Variants in GSE1 observed in about 807,000 individuals in gnomAD.
The protein encoded by GSE1 is Gse1 coiled-coil protein, also known as genetic suppressor element 1.
Under a neutral mutation model 112.6 loss-of-function variants are expected in GSE1, and 32 were observed. That is an observed-to-expected ratio of 0.28 (90% CI 0.21 to 0.38). The LOEUF is 0.38. GSE1 is among the 10% of genes least tolerant of loss of function. The probability of loss-of-function intolerance (pLI) is 1.00; values close to 1 mark genes in which losing one functional copy is unlikely to be tolerated. For missense variants in GSE1, 2,348 were observed against 1,699.2 expected (o/e 1.38, Z -6.71); for synonymous variants, 1,115 against 735.6 (o/e 1.52, Z -8.35).
chr16:85,379,497 A>G (rs901172010), intron 2 of GSE1, among the ~76,000 whole-genome samples: 1 of 152,284 alleles, frequency 6.6e-6, no homozygotes, highest in South Asian at 2.1e-4. Context: ...GGAACATAGT[A>G]GGTGCTTCCA....
At chr16:85,544,155 A>G (rs1194005959) in intron 2 of GSE1, among the ~76,000 whole-genome samples, 3 of 152,146 alleles carry the variant, frequency 2.0e-5, no homozygotes, top group Non-Finnish European at 4.4e-5. Context: ...TTTGATTGTC[A>G]TGACTGTGCC....
At chr16:85,604,961 G>C (rs746648716) in intron 1 of GSE1, among the ~76,000 whole-genome samples, 34 of 142,052 alleles carry the variant, frequency 2.4e-4, no homozygotes, top group Non-Finnish European at 4.3e-4. Flanking sequence ...GGGACTACAG[G>C]CGCCCTCCAC....
At chr16:85,452,341 G>A (rs1465353677) in intron 2 of GSE1, among the ~76,000 whole-genome samples, 1 of 152,178 alleles carries the variant, frequency 6.6e-6, no homozygotes, top group Non-Finnish European at 1.5e-5. Context: ...AATTAACAGC[G>A]GGTGCTGAGC....
chr16:85,522,078 A>C (rs574237167), intron 2 of GSE1, among the ~76,000 whole-genome samples: 1 of 152,322 alleles, frequency 6.6e-6, no homozygotes, highest in African/African-American at 2.4e-5. Flanking sequence ...GAAGCCAGGC[A>C]GGCATATCTG....
At chr16:85,566,520 C>T (rs980455414) in intron 1 of GSE1, among the ~76,000 whole-genome samples, 2 of 152,212 alleles carry the variant, frequency 1.3e-5, no homozygotes, top group African/African-American at 4.8e-5. Flanking sequence ...CCAGCCCGGC[C>T]TCAGCGGAGA....
rs755821901 is a variant in GSE1, at chr16:85,672,502, A to G, written c.3617A>G (p.His1206Arg). 1.9e-6 allele frequency: 3 copies of G among 1,613,282 alleles called. No individual in the cohort carries two copies. The highest frequency in any genetic ancestry group is 1.7e-5 in the Admixed American group (1 of 59,990). The change falls in exon 16 of 16, where the codon CAC becomes CGC. Residue 1206 changes from histidine (H) to arginine (R), a missense_variant. His to Arg is a conservative substitution (Grantham distance 29). Coordinates refer to ENST00000253458, the MANE Select transcript of GSE1 (RefSeq NM_014615.5). Reference protein sequence around the residue: ...LRKCLALPAMHWPRGYLKGYP... With the variant: ...LRKCLALPAMRWPRGYLKGYP... ...AAGTGCCTTGCCTTGCCTGCAATGC[A>G]CTGGCCTAGGGGCTACCTGAAGGGA...
At chr16:85,624,103 GCCT>G (rs2048912683) in intron 1 of GSE1, among the ~76,000 whole-genome samples, 1 of 152,206 alleles carries the variant, frequency 6.6e-6, no homozygotes, top group Non-Finnish European at 1.5e-5. Flanking sequence ...AAGCGTCTCA[GCCT>G]CCTCTTCCTG....
At chr16:85,440,305 C>G (rs1394782168) in intron 2 of GSE1, among the ~76,000 whole-genome samples, 1 of 152,252 alleles carries the variant, frequency 6.6e-6, no homozygotes, top group African/African-American at 2.4e-5. Flanking sequence ...GCAGGCACAA[C>G]TTGCTCTAGC....
At chr16:85,408,852 C>T (rs1487372617) in intron 2 of GSE1, among the ~76,000 whole-genome samples, 2 of 45,824 alleles carry the variant, frequency 4.4e-5, no homozygotes, top group Admixed American at 3.5e-4. Flanking sequence ...TCAGGCCCCC[C>T]TGGATAATCC....
At chr16:85,569,051 C>T (rs766514949) in intron 1 of GSE1, among the ~76,000 whole-genome samples, 4 of 152,196 alleles carry the variant, frequency 2.6e-5, no homozygotes, top group Non-Finnish European at 4.4e-5. Flanking sequence ...TGGCATGCAA[C>T]GGAGCCTCCT....
At chr16:85,368,055 T>C (rs905738590) in intron 2 of GSE1, among the ~76,000 whole-genome samples, 1 of 152,076 alleles carries the variant, frequency 6.6e-6, no homozygotes, top group African/African-American at 2.4e-5. Flanking sequence ...GGTTACTCCA[T>C]GTTGGTCGGG....
intron 1 of GSE1, among the ~76,000 whole-genome samples, chr16:85,249,313 G>A (rs1052608479): frequency 2.6e-5 from 4 of 152,198 alleles, no homozygotes; most frequent in Non-Finnish European, 5.9e-5. Flanking sequence ...GGGGGATAGC[G>A]GGGACCCCTC....
chr16:85,675,359 C>T lies in GSE1; in HGVS notation c.*2820C>T, dbSNP rs944134827. The stretch of plus-strand genomic sequence containing the variant: ...TAAATTATCTGGTTCCTCACTGAAA[C>T]AAGTTATTTTTGCTTCATATAGTCA... On this transcript the variant is annotated 3_prime_UTR_variant, in exon 16 of 16. Transcript: ENST00000253458. 6.6e-6 allele frequency: 1 copy of T among 152,170 alleles called. No homozygotes were observed. Among genetic ancestry groups the T allele is most frequent in the Non-Finnish European group, 1.5e-5 (1 of 68,038 alleles). The allele number at this position is 152,170 out of a possible 1,614,324, so 9.4% of individuals were successfully genotyped here.
At chr16:85,468,950 A>G (rs938422130) in intron 2 of GSE1, among the ~76,000 whole-genome samples, 1 of 152,184 alleles carries the variant, frequency 6.6e-6, no homozygotes, top group Non-Finnish European at 1.5e-5. Context: ...AGCTAAAATC[A>G]TCTTGTATTA....
At chr16:85,666,546 G>GGT in intron 13 of GSE1, 199 bp downstream of exon 13, 1 of 608,920 alleles carries the variant, frequency 1.6e-6, no homozygotes, top group Non-Finnish European at 2.9e-6. Flanking sequence ...TGAACTCGTA[G>GGT]GTGAGAAACG....
chr16:85,174,201 G>C (rs955588655), intron 1 of GSE1, among the ~76,000 whole-genome samples: 1 of 152,232 alleles, frequency 6.6e-6, no homozygotes, highest in African/African-American at 2.4e-5. Context: ...GGGATGAGAG[G>C]AAATAAGGTT....
rs36099910 is a variant in GSE1, at chr16:85,260,344, G to A, written c.2283+88537G>A. Among the ~76,000 whole-genome samples, 173 of 64,356 alleles carry A rather than the reference G, an allele frequency of 2.7e-3. 1 individual carries two copies. The highest frequency in any genetic ancestry group is 3.8e-3 in the Non-Finnish European group (145 of 38,314). The allele number at this position is 64,356 out of a possible 152,430, so 42.2% of individuals were successfully genotyped here. On this transcript the variant is annotated intron_variant, in intron 1 of 2. Coordinates refer to the GSE1 transcript ENST00000637419. ...CTTTTTTTTTTTTTTTTTTTTTTGA[G>A]ATGGAGTCTCGTTCTGTTGCCCAGG...
intron 2 of GSE1, among the ~76,000 whole-genome samples, chr16:85,639,488 C>A (rs567493973): frequency 7.0e-6 from 1 of 143,422 alleles, no homozygotes; most frequent in Admixed American, 6.8e-5. Flanking sequence ...CCCTCTAAGC[C>A]TCCTGGGCGC....
intron 2 of GSE1, among the ~76,000 whole-genome samples, chr16:85,401,671 C>A (rs746039153): frequency 2.0e-5 from 3 of 152,192 alleles, no homozygotes; most frequent in Admixed American, 2.0e-4. Flanking sequence ...CCCAAATGAG[C>A]CATATATAAG....
Sources: allele counts gnomAD v4.1 joint callset (sites outside exome capture counted in the v4.1 genomes callset), GRCh38; gene constraint gnomAD v4.1.1; transcripts MANE v1.5; gene names NCBI Gene and HGNC (gene_info 2026-07-23, HGNC 2026-07-21).